Variants in AATK observed in about 807,000 individuals in gnomAD.
The protein encoded by AATK is lemur tail kinase 1.
Under a neutral mutation model 114.3 loss-of-function variants are expected in AATK, and 91 were observed. The ratio of observed to expected loss-of-function variants is 0.80; its 90% CI spans 0.67 to 0.95. AATK has a LOEUF of 0.95. Ranked by LOEUF, AATK falls within the 40% of genes least tolerant of loss-of-function variation. AATK has a pLI of 0.00. For synonymous variants in AATK, 1,075 were observed against 916.5 expected (o/e 1.17, Z -3.12); for missense variants, 2,176 against 1,965.2 (o/e 1.11, Z -2.03).
At chr17:81,155,693 T>TC (rs2061353449) in intron 1 of AATK, among the ~76,000 whole-genome samples, 1 of 144,900 alleles carries the variant, frequency 6.9e-6, no homozygotes. Flanking sequence ...CTATAATATT[T>TC]CTTTTTTTTT....
chr17:81,145,077 A>G (rs2061196459), intron 1 of AATK, among the ~76,000 whole-genome samples: 1 of 152,098 alleles, frequency 6.6e-6, no homozygotes. Flanking sequence ...TACTAAAAAC[A>G]CACAAATTAG....
In AATK at chr17:81,122,601, C is replaced by A; in HGVS notation, c.1335G>T (p.Ser445=). The change falls in exon 11 of 14, where the codon TCG becomes TCT. Residue 445 remains serine, a synonymous_variant. Transcript: ENST00000326724. ...LGGVVELAAA[S]SFPLLEQFAG... Reference sequence around the variant, plus strand: ...CGAACTGCTCCAGCAGCGGGAAGGACGAGGCAGCGGCGAGCTCCACCACGC... The same window carrying A: ...CGAACTGCTCCAGCAGCGGGAAGGAAGAGGCAGCGGCGAGCTCCACCACGC... 2 of 1,432,036 alleles carry A rather than the reference C, an allele frequency of 1.4e-6. No homozygotes were observed. The highest frequency in any genetic ancestry group is 3.3e-5 in the East Asian group (1 of 30,322). The allele number at this position is 1,432,036 out of a possible 1,614,324, so 88.7% of individuals were successfully genotyped here. A position where few individuals can be genotyped will look rare whatever the true frequency, so the allele number is the denominator to read the frequency against.
At chr17:81,157,500 G>A (rs1166708162) in intron 1 of AATK, among the ~76,000 whole-genome samples, 2 of 152,258 alleles carry the variant, frequency 1.3e-5, no homozygotes, top group Middle Eastern at 3.4e-3. Flanking sequence ...CACAGTTCCC[G>A]GGGGTTACCA....
In AATK at chr17:81,126,579, G is replaced by A. The variant is rs1421905211; in HGVS notation, c.622-19C>T. On this transcript the variant is annotated intron_variant, in intron 6 of 13. Coordinates refer to ENST00000326724, the MANE Select transcript of AATK (RefSeq NM_001080395.3). This position sits in a 1 kb window ranked among gnomAD's most constrained non-coding sequence, Gnocchi z 5.1. ...GGTCCCCCTGCAGAAAGGGGGTGTG[G>A]CGCAGTCACCAGCAGGCTGGGGGCT... 5 of 1,530,448 alleles carry A rather than the reference G, an allele frequency of 3.3e-6. No individual in the cohort carries two copies. In the African/African-American group the frequency reaches 4.1e-5, roughly 13 times the overall value. The allele number at this position is 1,530,448 out of a possible 1,614,324, so 94.8% of individuals were successfully genotyped here.
Position 81,120,264 on chromosome 17 carries a change from G to T in AATK, c.3672C>A (p.Asp1224Glu). Residue 1224 changes from aspartate (D) to glutamate (E), a missense_variant, in exon 11 of 14, where the codon GAC becomes GAA. Around this residue, in one of 4 missense-constraint regions of AATK, gnomAD observed 1,701 missense variants for 1,394.7 expected, o/e 1.22. Coordinates refer to ENST00000326724, the MANE Select transcript of AATK (RefSeq NM_001080395.3). ...ACACGGCCTTCTTCTTGCGTTCCAG[G>T]TCCTCGCAGAAGGTCTCGGACAGCA... The part of the protein sequence containing the change: ...PSLLSETFCE[D>E]LERKKKAVSF... 6.2e-7 allele frequency: 1 copy of T among 1,601,804 alleles called. No homozygotes were observed. Among genetic ancestry groups the T allele is most frequent in the Non-Finnish European group, 8.5e-7 (1 of 1,172,050 alleles).
At chr17:81,156,294 TAC>T (rs1396096447) in intron 1 of AATK, among the ~76,000 whole-genome samples, 2 of 145,992 alleles carry the variant, frequency 1.4e-5, no homozygotes, top group African/African-American at 2.7e-5. Context: ...CAATGTATGT[TAC>T]TATGGCCTGT....
intron 3 of AATK, among the ~76,000 whole-genome samples, chr17:81,130,859 A>G (rs1187891051): frequency 6.6e-6 from 1 of 152,158 alleles, no homozygotes; most frequent in African/African-American, 2.4e-5. Context: ...AAAGAGGTAC[A>G]TGCACCTTTG....
At chr17:81,134,244 G>A in intron 2 of AATK, 124 bp downstream of exon 2, 1 of 1,351,636 alleles carries the variant, frequency 7.4e-7, no homozygotes, top group East Asian at 2.5e-5. Context: ...TGGCCCCACA[G>A]CAACTACGGC....
intron 1 of AATK, among the ~76,000 whole-genome samples, chr17:81,139,585 G>A (rs1421646109): frequency 6.9e-6 from 1 of 145,066 alleles, no homozygotes; most frequent in South Asian, 2.2e-4. Flanking sequence ...CGGCCCCCAG[G>A]CTCTTCCAAG....
chr17:81,141,444 C>A (rs1200819035), intron 1 of AATK, among the ~76,000 whole-genome samples: 1 of 151,992 alleles, frequency 6.6e-6, no homozygotes, highest in Non-Finnish European at 1.5e-5. Flanking sequence ...GAGACTCTGT[C>A]CCCCCCAAAA....
chr17:81,139,845 G>A (rs1384016028), intron 1 of AATK, among the ~76,000 whole-genome samples: 1 of 152,198 alleles, frequency 6.6e-6, no homozygotes, highest in African/African-American at 2.4e-5. Context: ...ACACCAGCAT[G>A]CACACACGTG....
intron 1 of AATK, among the ~76,000 whole-genome samples, chr17:81,141,326 C>T (rs2061135091): frequency 6.6e-6 from 1 of 152,128 alleles, no homozygotes. Flanking sequence ...TGGCGTGTGC[C>T]TGTAATCCCA....
At chr17:81,134,335 C>A (rs750812181) in intron 2 of AATK, 33 bp downstream of exon 2, 1 of 1,611,118 alleles carries the variant, frequency 6.2e-7, no homozygotes, top group Non-Finnish European at 8.5e-7. Context: ...CCTGCGGGAT[C>A]CCACGACAGC....
intron 1 of AATK, among the ~76,000 whole-genome samples, chr17:81,139,272 G>T (rs1372920617): frequency 3.9e-5 from 6 of 152,296 alleles, no homozygotes; most frequent in African/African-American, 1.4e-4. Context: ...AAGCCACGTG[G>T]GAGGCCCCAC....
chr17:81,165,743 G>C (rs1439551090), intron 1 of AATK, 195 bp downstream of exon 1: 11 of 1,525,732 alleles, frequency 7.2e-6, no homozygotes, highest in Non-Finnish European at 8.8e-6. Context: ...CACAGGCGGA[G>C]GCCGGTTTGT....
chr17:81,138,487 G>C (rs2061061361), intron 1 of AATK, among the ~76,000 whole-genome samples: 1 of 139,376 alleles, frequency 7.2e-6, no homozygotes. Context: ...ACACATGCAT[G>C]CACACACACC....
intron 9 of AATK, among the ~76,000 whole-genome samples, chr17:81,123,733 G>A (rs573620330): frequency 1.2e-3 from 188 of 152,088 alleles, no homozygotes; most frequent in Admixed American, 2.3e-3. Context: ...GCTGAGGGAG[G>A]GGGAGGGAGG....
chr17:81,134,354 C>G lies in AATK; in HGVS notation c.189+14G>C. ...CGGGATCCCACGACAGCTCCCGCGG[C>G]CCCCAGGCCTCACCTTGAACCCGAT... On this transcript the variant is annotated intron_variant, in intron 2 of 13. Transcript: ENST00000326724. The G allele has an allele frequency of 6.2e-7, 1 of 1,611,652 alleles. No individual in the cohort carries two copies. Among genetic ancestry groups the G allele is most frequent in the South Asian group, 1.1e-5 (1 of 90,974 alleles).
At chr17:81,161,584 G>C (rs111411671) in intron 1 of AATK, among the ~76,000 whole-genome samples, 6 of 152,178 alleles carry the variant, frequency 3.9e-5, no homozygotes. Flanking sequence ...GTGCAGAGAG[G>C]ACGTGAACAG....
Sources: gnomAD v4.1 joint callset for allele counts (sites outside exome capture counted in the v4.1 genomes callset) on GRCh38, gnomAD v4.1.1 for gene constraint, gnomAD v4.1.1 regional missense constraint, Gnocchi (gnomAD v3.1) non-coding constraint, MANE v1.5 for transcripts, NCBI Gene and HGNC (gene_info 2026-07-23, HGNC 2026-07-21) for gene names.